Variants in ERI1 observed in about 807,000 individuals in gnomAD.
ERI1 encodes 3'-5' exoribonuclease 1.
Under a neutral mutation model 39.7 loss-of-function variants are expected in ERI1, and 39 were observed. The observed-to-expected ratio is 0.98, with a 90% CI of 0.76 to 1.28. The LOEUF is 1.28. Among genes scored for constraint, ERI1 ranks in the 50% most tolerant of loss-of-function variants. The pLI, the probability that ERI1 is intolerant of heterozygous loss-of-function variation, is 0.00. For missense variants in ERI1, 581 were observed against 416.9 expected (o/e 1.39, Z -3.43); for synonymous variants, 204 against 149.6 (o/e 1.36, Z -2.65).
chr8:9,019,454 A>G (rs1193506460), intron 5 of ERI1, among the ~76,000 whole-genome samples: 1 of 152,226 alleles, frequency 6.6e-6, no homozygotes, highest in African/African-American at 2.4e-5. Context: ...GCTAAAGTAT[A>G]CAGGTGTTTC....
At chr8:9,018,143 A>C (rs1360904930) in intron 4 of ERI1, among the ~76,000 whole-genome samples, 154 bp from the exon 5 acceptor site, 1 of 152,230 alleles carries the variant, frequency 6.6e-6, no homozygotes, top group Non-Finnish European at 1.5e-5. Context: ...CTTAAAAATG[A>C]AACTTTAGGT....
intron 3 of ERI1, among the ~76,000 whole-genome samples, chr8:9,078,123 G>A (rs953898108): frequency 6.6e-6 from 1 of 152,144 alleles, no homozygotes; most frequent in South Asian, 2.1e-4. Flanking sequence ...CCGAGTAGCT[G>A]GGACGACATG....
chr8:9,004,070 C>T, intron 1 of ERI1: 1 of 1,289,190 alleles, frequency 7.8e-7, no homozygotes, highest in East Asian at 5.5e-5. Context: ...CCTTTTGTTC[C>T]CAGTGCCCCT....
chr8:9,009,166 C>T, intron 2 of ERI1: 2 of 443,242 alleles, frequency 4.5e-6, no homozygotes, highest in Non-Finnish European at 9.0e-6. Flanking sequence ...TTCAACAAGC[C>T]TGTATTGAAT....
rs547018576 is a variant in ERI1, at chr8:9,068,125, CT to C, written n.299+47663del. 2.3e-3 allele frequency among the ~76,000 whole-genome samples: 353 copies of C among 152,208 alleles called. 1 individual carries two copies. Among genetic ancestry groups the C allele is most frequent in the African/African-American group, 8.1e-3 (335 of 41,518 alleles). On this transcript the variant is annotated intron_variant and non_coding_transcript_variant, in intron 3 of 3. Coordinates refer to the ERI1 transcript ENST00000518663. ...CATCTAATCCAGAATTGCTTTTCTCCTTAGCCCTTAATTAACTTCTTTTTAA... is the reference window on the plus strand; with the variant it reads ...CATCTAATCCAGAATTGCTTTTCTCCTAGCCCTTAATTAACTTCTTTTTAA...
In ERI1 at chr8:9,030,835, G is replaced by A. The variant is rs1334721181; in HGVS notation, c.*801G>A. On this transcript the variant is annotated 3_prime_UTR_variant, in exon 7 of 7. Transcript: ENST00000250263. ...TGCTTTGAAATAGACTGAAAATTAA[G>A]GGTCACCACCTAATTTTACTTTGTA... The A allele has an allele frequency of 6.6e-6, 1 of 151,956 alleles. No homozygotes were observed. Among genetic ancestry groups the A allele is most frequent in the Non-Finnish European group, 1.5e-5 (1 of 67,974 alleles). 9.4% of individuals were successfully genotyped at this position (151,956 alleles called of 1,614,324 possible). A position where few individuals can be genotyped will look rare whatever the true frequency, so the allele number is the denominator to read the frequency against.
intron 2 of ERI1, 144 bp from the exon 3 acceptor site, chr8:9,011,398 C>T: frequency 2.0e-6 from 1 of 493,452 alleles, no homozygotes; most frequent in East Asian, 2.9e-5. Flanking sequence ...AGCTTTGAGT[C>T]TTGCTTTTCT....
At chr8:9,019,867 C>T (rs1407781602) in intron 5 of ERI1, among the ~76,000 whole-genome samples, 2 of 152,136 alleles carry the variant, frequency 1.3e-5, no homozygotes, top group Non-Finnish European at 2.9e-5. Flanking sequence ...ACACAATTTC[C>T]ATATTACACA....
At chr8:9,090,773 C>G (rs966738158) in intron 3 of ERI1, among the ~76,000 whole-genome samples, 10 of 152,022 alleles carry the variant, frequency 6.6e-5, no homozygotes, top group Admixed American at 2.6e-4. Context: ...GACACAAGAT[C>G]AAAAAACAAC....
In ERI1 at chr8:9,007,862, A is replaced by G. The variant is rs1018523314; in HGVS notation, c.109-108A>G. ...GAACACTTTTCATTGAACATGTAGC[A>G]TGAAGAGGCTTCAGAAGTTTGAAAG... On this transcript the variant is annotated intron_variant, in intron 1 of 6. Coordinates refer to ENST00000250263, the MANE Select transcript of ERI1 (RefSeq NM_153332.4). 2.3e-5 allele frequency: 33 copies of G among 1,449,414 alleles called. No individual in the cohort carries two copies. In the South Asian group the frequency reaches 4.0e-4, roughly 18 times the overall value. The allele number at this position is 1,449,414 out of a possible 1,614,324, so 89.8% of individuals were successfully genotyped here. A position where few individuals can be genotyped will look rare whatever the true frequency, so the allele number is the denominator to read the frequency against.
rs151217401 is a variant in ERI1, at chr8:9,038,533, G to T, written n.299+18069G>T. On this transcript the variant is annotated intron_variant and non_coding_transcript_variant, in intron 3 of 3. Coordinates refer to the ERI1 transcript ENST00000518663. ...CTAACACTTTGGGAGGCTGAGGTGGGTGGATTGCTTGAGCTCAGTTCTGGA... is the reference window on the plus strand; with the variant it reads ...CTAACACTTTGGGAGGCTGAGGTGGTTGGATTGCTTGAGCTCAGTTCTGGA... Among the ~76,000 whole-genome samples, 778 of 152,348 alleles carry T rather than the reference G, an allele frequency of 5.1e-3. 3 individuals carry two copies. The highest frequency in any genetic ancestry group is 0.02 in the Middle Eastern group (6 of 294).
Position 9,074,601 on chromosome 8 carries a change from C to T in ERI1, n.300-41747C>T, listed in dbSNP as rs138645096. Among the ~76,000 whole-genome samples the T allele has an allele frequency of 1.1e-4, 17 of 152,046 alleles. No homozygotes were observed. In the East Asian group the frequency reaches 3.1e-3, roughly 28 times the overall value. On this transcript the variant is annotated intron_variant and non_coding_transcript_variant, in intron 3 of 3. Transcript: ENST00000518663. ...AGACTACAGGTATATACTATTATGC[C>T]CAGCTAATTTTTTGTAGAGCTGAGG...
At chr8:9,050,802 CCTT>C (rs1798333350) in intron 3 of ERI1, among the ~76,000 whole-genome samples, 1 of 152,184 alleles carries the variant, frequency 6.6e-6, no homozygotes, top group Non-Finnish European at 1.5e-5. Context: ...CGGGCCTCTT[CCTT>C]CTTTATGCAA....
intron 3 of ERI1, among the ~76,000 whole-genome samples, chr8:9,067,055 A>G (rs889038562): frequency 6.6e-6 from 1 of 152,210 alleles, no homozygotes; most frequent in African/African-American, 2.4e-5. Context: ...GCCTCAGGAA[A>G]AAAGAAATCA....
intron 3 of ERI1, among the ~76,000 whole-genome samples, chr8:9,051,336 A>G (rs985277888): frequency 2.6e-5 from 4 of 151,980 alleles, no homozygotes; most frequent in Admixed American, 6.6e-5. Flanking sequence ...AACTGCTAAC[A>G]TGCTCAAATT....
intron 3 of ERI1, among the ~76,000 whole-genome samples, chr8:9,039,982 A>C (rs1311835298): frequency 1.3e-5 from 2 of 152,208 alleles, no homozygotes; most frequent in Non-Finnish European, 2.9e-5. Context: ...TTCCAAGTAC[A>C]ATTAAAATAT....
At chr8:9,049,224 T>C (rs896633525) in intron 3 of ERI1, among the ~76,000 whole-genome samples, 2 of 149,574 alleles carry the variant, frequency 1.3e-5, no homozygotes, top group African/African-American at 2.5e-5. Context: ...TAATCCCAGC[T>C]ACTCAGGAGA....
intron 1 of ERI1, among the ~76,000 whole-genome samples, 194 bp downstream of exon 1, chr8:9,003,365 C>G (rs918297519): frequency 5.9e-5 from 9 of 152,228 alleles, no homozygotes; most frequent in Non-Finnish European, 2.9e-5. Context: ...GGCCGAATCA[C>G]TCTCTGGGAG....
intron 3 of ERI1, among the ~76,000 whole-genome samples, chr8:9,046,085 G>C (rs887200371): frequency 2.6e-5 from 4 of 152,188 alleles, no homozygotes; most frequent in Non-Finnish European, 4.4e-5. Context: ...ATTAAATTAA[G>C]AAAACAAATT....
Sources: allele counts gnomAD v4.1 joint callset (sites outside exome capture counted in the v4.1 genomes callset), GRCh38; gene constraint gnomAD v4.1.1; transcripts MANE v1.5; gene names NCBI Gene and HGNC (gene_info 2026-07-23, HGNC 2026-07-21).